The following ZDBF2 variants were observed in gnomAD, a reference collection of about 807,000 sequenced individuals.
ZDBF2 encodes the protein DBF4-type zinc finger-containing protein 2.
In ZDBF2, 6 loss-of-function variants were observed where a neutral mutation model predicts 9.4. The ratio of observed to expected loss-of-function variants is 0.64; its 90% confidence interval spans 0.35 to 1.27. The LOEUF (loss-of-function observed/expected upper bound fraction) is 1.27, where lower values mean the gene tolerates loss of function less well. ZDBF2 is among the 50% of genes most tolerant of loss of function. ZDBF2 has a pLI of 0.03. For synonymous variants in ZDBF2, 905 were observed against 946.3 expected (o/e 0.96, Z 0.80); for missense variants, 2,697 against 2,766.8 (o/e 0.97, Z 0.57).
chr2:206,311,802 A>G lies in ZDBF2; in HGVS notation c.*209A>G. On this transcript the variant is annotated 3_prime_UTR_variant, in exon 5 of 5. Transcript: ENST00000374423. ...AAGATTCAGAAACAGCCTTTGTCCA[A>G]CATTTTCTGTAGAAGAACTTCATCT... The G allele has an allele frequency of 5.1e-6, 2 of 393,666 alleles. No individual in the cohort carries two copies. The highest frequency in any genetic ancestry group is 9.1e-5 in the East Asian group (2 of 21,870). The allele number at this position is 393,666 out of a possible 1,614,324, so 24.4% of individuals were successfully genotyped here. A position where few individuals can be genotyped will look rare whatever the true frequency, so the allele number is the denominator to read the frequency against.
Position 206,309,592 on chromosome 2 carries a change from T to C in ZDBF2, c.5064T>C (p.Ser1688=), listed in dbSNP as rs3732084. The part of the protein sequence containing the change: ...HRLQKAHKEA[S]LRKDPRNAGL... ...TGCAGAAAGCTCACAAAGAAGCCAG[T>C]CTTCGGAAGGATCCAAGAAATGCTG... The change falls in exon 5 of 5, where the codon AGT becomes AGC. Residue 1688 remains serine, a synonymous_variant. Transcript: ENST00000374423. The C allele has an allele frequency of 0.58, 939,882 of 1,613,534 alleles. 277,696 individuals are homozygous for C. Among genetic ancestry groups the C allele is most frequent in the Non-Finnish European group, 0.61 (725,348 of 1,179,786 alleles).
chr2:206,282,491 G>T (rs1021635878), intron 3 of ZDBF2, among the ~76,000 whole-genome samples: 1 of 152,162 alleles, frequency 6.6e-6, no homozygotes, highest in Non-Finnish European at 1.5e-5. Context: ...TTGCATACCT[G>T]CTGGGGATTG....
Position 206,311,638 on chromosome 2 carries a change from T to C in ZDBF2, c.*45T>C, listed in dbSNP as rs532753074. The C allele has an allele frequency of 8.5e-6, 12 of 1,410,360 alleles. No individual in the cohort carries two copies. Among genetic ancestry groups the C allele is most frequent in the East Asian group, 2.4e-5 (1 of 41,228 alleles). The allele number at this position is 1,410,360 out of a possible 1,614,324, so 87.4% of individuals were successfully genotyped here. ...GCTAGTTGAGGATTCAGTACTTCAG[T>C]TGAAATATATTTGGTACTTTGTGCA... On this transcript the variant is annotated 3_prime_UTR_variant, in exon 5 of 5. Transcript: ENST00000374423.
chr2:206,309,947 G>T lies in ZDBF2; in HGVS notation c.5419G>T (p.Val1807Phe), dbSNP rs1475790260. Residue 1807 changes from valine to phenylalanine, a missense_variant, in exon 5 of 5, where the codon GTC becomes TTC. Val to Phe is a conservative substitution (Grantham distance 50). This residue lies in a region of ZDBF2 where 1,783 missense variants were observed against 1,776.5 expected (regional missense o/e 1.00). Transcript: ENST00000374423. ...AAGGAACCTGAAAAAAGCAAAGGATGTCATAGAGGATAATCCTGATGAACC... is the reference window on the plus strand; with the variant it reads ...AAGGAACCTGAAAAAAGCAAAGGATTTCATAGAGGATAATCCTGATGAACC... ...SVRNLKKAKD[V>F]IEDNPDEPVL... The T allele has an allele frequency of 6.2e-7, 1 of 1,613,846 alleles. No individual in the cohort carries two copies. Among genetic ancestry groups the T allele is most frequent in the South Asian group, 1.1e-5 (1 of 91,034 alleles).
chr2:206,279,740 A>T (rs1159538263), intron 2 of ZDBF2, 148 bp downstream of exon 2: 1 of 152,204 alleles, frequency 6.6e-6, no homozygotes, highest in Non-Finnish European at 1.5e-5. Flanking sequence ...AGTTTATAAA[A>T]AATAATGACT....
In ZDBF2 at chr2:206,305,730, C is replaced by A. The variant is rs1474028278; in HGVS notation, c.1202C>A (p.Ser401Tyr). The A allele has an allele frequency of 6.2e-7, 1 of 1,613,612 alleles. No individual in the cohort carries two copies. Among genetic ancestry groups the A allele is most frequent in the East Asian group, 2.2e-5 (1 of 44,868 alleles). The part of the protein sequence containing the change: ...EQIDQEDNYE[S>Y]RGSEMSFDCS... ...ATTGACCAAGAAGATAACTATGAGT[C>A]TAGAGGTTCAGAAATGAGTTTTGAT... Residue 401 changes from serine to tyrosine, a missense_variant, in exon 5 of 5, where the codon TCT (serine) becomes TAT (tyrosine). By Grantham distance (144) the Ser-to-Tyr change is moderately radical. Around this residue, in one of 3 missense-constraint regions of ZDBF2, gnomAD observed 910 missense variants for 973.6 expected, o/e 0.93. Transcript: ENST00000374423.
At position 206,306,083 on chromosome 2, in the gene ZDBF2, C is replaced by T. The variant is rs1692775286; in HGVS notation, c.1555C>T (p.Pro519Ser). Residue 519 changes from proline (P) to serine (S), a missense_variant, in exon 5 of 5, where the codon CCT (proline) becomes TCT (serine). Around this residue, in one of 3 missense-constraint regions of ZDBF2, gnomAD observed 910 missense variants for 973.6 expected, o/e 0.93. Transcript: ENST00000374423. ...ACAATCTGTAACAGAAGTAAACCTT[C>T]CTAAGGAAGTGCACATTGGTTTGGT... Reference protein sequence around the residue: ...PQQSVTEVNLPKEVHIGLVDK... With the variant: ...PQQSVTEVNLSKEVHIGLVDK... 2.5e-6 allele frequency: 4 copies of T among 1,613,790 alleles called. No homozygotes were observed. The highest frequency in any genetic ancestry group is 3.4e-6 in the Non-Finnish European group (4 of 1,179,806).
At position 206,306,874 on chromosome 2, in the gene ZDBF2, C is replaced by G; in HGVS notation, c.2346C>G (p.Ser782Arg). The G allele has an allele frequency of 6.2e-7, 1 of 1,613,816 alleles. No individual in the cohort carries two copies. Residue 782 changes from serine (S) to arginine (R), a missense_variant, in exon 5 of 5, where the codon AGC becomes AGG. Physicochemically the swap from Ser to Arg is moderately radical, Grantham distance 110. Transcript: ENST00000374423. ...KERHIDLEDE[S>R]CESDSSEITF... ...GGCACATTGACCTGGAAGATGAGAG[C>G]TGTGAGTCAGATAGTTCTGAAATAA... is the stretch of plus-strand genomic sequence containing the variant.
Position 206,309,784 on chromosome 2 carries a change from T to C in ZDBF2, c.5256T>C (p.Cys1752=), listed in dbSNP as rs1363970059. The C allele has an allele frequency of 1.9e-6, 3 of 1,613,964 alleles. No individual in the cohort carries two copies. Among genetic ancestry groups the C allele is most frequent in the Non-Finnish European group, 1.7e-6 (2 of 1,179,870 alleles). The change falls in exon 5 of 5, where the codon TGT becomes TGC. Residue 1752 remains cysteine, a synonymous_variant. Coordinates refer to ENST00000374423, the MANE Select transcript of ZDBF2 (RefSeq NM_020923.3). ...EPDGFEMNFQ[C]APPLPSDTDQ... ...ATGGTTTTGAGATGAATTTTCAGTG[T>C]GCTCCCCCTCTTCCATCTGATACTG...
Position 206,309,756 on chromosome 2 carries a change from C to T in ZDBF2, c.5228C>T (p.Pro1743Leu), listed in dbSNP as rs201499131. 1.9e-5 allele frequency: 31 copies of T among 1,613,830 alleles called. No individual in the cohort carries two copies. Among genetic ancestry groups the T allele is most frequent in the Middle Eastern group, 1.7e-4 (1 of 6,060 alleles). ...KHRDLEVSCEPDGFEMNFQCA... is the reference protein window; with the variant it reads ...KHRDLEVSCELDGFEMNFQCA... Reference sequence around the variant, plus strand: ...AGAGATCTAGAAGTGAGCTGTGAACCGGATGGTTTTGAGATGAATTTTCAG... The same window carrying T: ...AGAGATCTAGAAGTGAGCTGTGAACTGGATGGTTTTGAGATGAATTTTCAG... The change falls in exon 5 of 5, where the codon CCG (proline) becomes CTG (leucine). Residue 1743 changes from proline (P) to leucine (L), a missense_variant. Around this residue, in one of 3 missense-constraint regions of ZDBF2, gnomAD observed 1,783 missense variants for 1,776.5 expected, o/e 1.00. Coordinates refer to ENST00000374423, the MANE Select transcript of ZDBF2 (RefSeq NM_020923.3).
rs528642655 is a variant in ZDBF2, at chr2:206,277,462, G to T, written c.-102-2078G>T. Among the ~76,000 whole-genome samples the T allele has an allele frequency of 4.1e-5, 6 of 147,898 alleles. No individual in the cohort carries two copies. In the East Asian group the frequency reaches 1.2e-3, roughly 29 times the overall value. On this transcript the variant is annotated intron_variant, in intron 1 of 4. Coordinates refer to ENST00000374423, the MANE Select transcript of ZDBF2 (RefSeq NM_020923.3). ...TTACATAAATGAATGAAATAAGAAG[G>T]TGAACATAGTCATTTTTTAAAAATA...
intron 3 of ZDBF2, among the ~76,000 whole-genome samples, chr2:206,293,974 C>T (rs1416380546): frequency 2.0e-5 from 3 of 151,796 alleles, no homozygotes; most frequent in Non-Finnish European, 4.4e-5. Flanking sequence ...TAGTAATAGC[C>T]AAAAGCTAGA....
Position 206,308,669 on chromosome 2 carries a change from C to T in ZDBF2, c.4141C>T (p.Leu1381Phe). 6.2e-7 allele frequency: 1 copy of T among 1,612,346 alleles called. No individual in the cohort carries two copies. Among genetic ancestry groups the T allele is most frequent in the Non-Finnish European group, 8.5e-7 (1 of 1,179,816 alleles). Residue 1381 changes from leucine to phenylalanine, a missense_variant, in exon 5 of 5, where the codon CTT (leucine) becomes TTT (phenylalanine). By Grantham distance (22) the Leu-to-Phe change is conservative. This residue lies in a region of ZDBF2 where 1,783 missense variants were observed against 1,776.5 expected (regional missense o/e 1.00). Coordinates refer to ENST00000374423, the MANE Select transcript of ZDBF2 (RefSeq NM_020923.3). ...CTCTTTTCAGGCAGCAGCAGATGAG[C>T]TTCAAAAACCTGTCAAAGAAATAAA... is the stretch of plus-strand genomic sequence containing the variant. ...NDSFQAAADE[L>F]QKPVKEINLW...
At chr2:206,279,991 G>C (rs1285568116) in intron 2 of ZDBF2, among the ~76,000 whole-genome samples, 1 of 152,146 alleles carries the variant, frequency 6.6e-6, no homozygotes, top group Non-Finnish European at 1.5e-5. Flanking sequence ...TTTTAGTAGT[G>C]ACAGGTTTTT....
Position 206,306,072 on chromosome 2 carries a change from A to G in ZDBF2, c.1544A>G (p.Glu515Gly). 6.2e-7 allele frequency: 1 copy of G among 1,613,834 alleles called. No individual in the cohort carries two copies. The highest frequency in any genetic ancestry group is 8.5e-7 in the Non-Finnish European group (1 of 1,179,816). Residue 515 changes from glutamate (E) to glycine (G), a missense_variant, in exon 5 of 5, where the codon GAA becomes GGA. Physicochemically the swap from Glu to Gly is moderately conservative, Grantham distance 98. Transcript: ENST00000374423. ...TSDYPQQSVT[E>G]VNLPKEVHIG... ...GACTACCCCCAACAATCTGTAACAG[A>G]AGTAAACCTTCCTAAGGAAGTGCAC...
In ZDBF2 at chr2:206,313,592, A is replaced by C. The variant is rs927157902; in HGVS notation, c.*1999A>C. 3 of 152,178 alleles carry C rather than the reference A, an allele frequency of 2.0e-5. No homozygotes were observed. The highest frequency in any genetic ancestry group is 2.9e-5 in the Non-Finnish European group (2 of 68,004). 9.4% of individuals were successfully genotyped at this position (152,178 alleles called of 1,614,324 possible). On this transcript the variant is annotated 3_prime_UTR_variant, in exon 5 of 5. Coordinates refer to ENST00000374423, the MANE Select transcript of ZDBF2 (RefSeq NM_020923.3). ...CTTAAATATTATTAATAGACATTCT[A>C]CAGTCTTTCAGTGTAAGTTTAAAAG...
At position 206,274,940 on chromosome 2, in the gene ZDBF2, C is replaced by T. The variant is rs1574366205; in HGVS notation, c.-109C>T. On this transcript the variant is annotated 5_prime_UTR_variant, in exon 1 of 5. Transcript: ENST00000374423. ...GCCCGGAAGGAATCCGGGCAGCCTCCGCGGAGGTGAGTGCCGCGGCGGGGG... is the reference window on the plus strand; with the variant it reads ...GCCCGGAAGGAATCCGGGCAGCCTCTGCGGAGGTGAGTGCCGCGGCGGGGG... The T allele has an allele frequency of 6.6e-6, 1 of 150,906 alleles. No individual in the cohort carries two copies. Among genetic ancestry groups the T allele is most frequent in the Admixed American group, 6.6e-5 (1 of 15,148 alleles). The allele number at this position is 150,906 out of a possible 1,614,324, so 9.3% of individuals were successfully genotyped here. A position where few individuals can be genotyped will look rare whatever the true frequency, so the allele number is the denominator to read the frequency against.
Position 206,305,234 on chromosome 2 carries a change from A to G in ZDBF2, c.706A>G (p.Arg236Gly). 6.2e-7 allele frequency: 1 copy of G among 1,613,848 alleles called. No individual in the cohort carries two copies. The highest frequency in any genetic ancestry group is 1.1e-5 in the South Asian group (1 of 91,076). The change falls in exon 5 of 5, where the codon AGA becomes GGA. Residue 236 changes from arginine to glycine, a missense_variant. Arg to Gly is a moderately radical substitution (Grantham distance 125, BLOSUM62 -2). Around this residue, in one of 3 missense-constraint regions of ZDBF2, gnomAD observed 910 missense variants for 973.6 expected, o/e 0.93. Coordinates refer to ENST00000374423, the MANE Select transcript of ZDBF2 (RefSeq NM_020923.3). ...TCTTGAACAGCCAGATGGGGCCTCT[A>G]GAAATCCTGTGCCATCATCCCATGT... ...KYLEQPDGAS[R>G]NPVPSSHVET...
At chr2:206,294,672 G>A (rs1157255601) in intron 3 of ZDBF2, among the ~76,000 whole-genome samples, 1 of 152,104 alleles carries the variant, frequency 6.6e-6, no homozygotes, top group Non-Finnish European at 1.5e-5. Context: ...GTGTCTCCCA[G>A]TGCCTTTTAT....
Sources: gnomAD v4.1 joint callset for allele counts (sites outside exome capture counted in the v4.1 genomes callset) on GRCh38, gnomAD v4.1.1 for gene constraint, gnomAD v4.1.1 regional missense constraint, MANE v1.5 for transcripts, NCBI Gene and HGNC (gene_info 2026-07-23, HGNC 2026-07-21) for gene names.